SYT7: variants seen among roughly 807,000 people sequenced by gnomAD.
The protein encoded by SYT7 is synaptotagmin 7, also known as synaptotagmin-7.
A neutral mutation model predicts 75.1 loss-of-function variants in SYT7; 29 were observed. The ratio of observed to expected loss-of-function variants is 0.39; its 90% CI spans 0.29 to 0.53. The LOEUF is 0.53. SYT7 is among the 20% of genes least tolerant of loss of function. The probability of loss-of-function intolerance (pLI) is 0.77; values close to 1 mark genes in which losing one functional copy is unlikely to be tolerated. For synonymous variants in SYT7, 376 were observed against 401.7 expected, an observed-to-expected ratio of 0.94 and a Z score of 0.76; for missense variants, 693 against 953.2, an observed-to-expected ratio of 0.73 and a Z score of 3.59.
rs2062129170 is a variant in SYT7, at chr11:61,515,550, A to C, written c.*3077T>G. The C allele has an allele frequency of 7.0e-6, 1 of 142,016 alleles. No individual in the cohort carries two copies. 8.8% of individuals were successfully genotyped at this position (142,016 alleles called of 1,614,324 possible). A position where few individuals can be genotyped will look rare whatever the true frequency, so the allele number is the denominator to read the frequency against. ...GGTGGGTTTTTGTTTTATTTTTTAT[A>C]AAACACTTGCACTCAAGAACATACA... On this transcript the variant is annotated 3_prime_UTR_variant, in exon 13 of 13. Transcript: ENST00000539008.
rs1439199098 is a variant in SYT7 at position 61,514,238 on chromosome 11, C to T, written c.*4389G>A. The stretch of plus-strand genomic sequence containing the variant: ...TTTCCAGGGCTGCTTTCATGGAGAG[C>T]GCCTGAACAGAAGCTCTGGCCAAGG... On this transcript the variant is annotated 3_prime_UTR_variant, in exon 13 of 13. Transcript: ENST00000539008. Among the ~76,000 whole-genome samples, 1 of 152,338 alleles carries T rather than the reference C, an allele frequency of 6.6e-6. No homozygotes were observed.
In SYT7 at chr11:61,546,244, A is replaced by T. The variant is rs1178380841; in HGVS notation, c.359T>A (p.Leu120Gln). The change falls in exon 5 of 13, where the codon CTG becomes CAG. Residue 120 changes from leucine (L) to glutamine (Q), a missense_variant. This residue lies in a region of SYT7 where 487 missense variants were observed against 593.2 expected (regional missense o/e 0.82). Transcript: ENST00000539008. This position sits in a 1 kb window ranked among gnomAD's most constrained non-coding sequence, Gnocchi z 7.6. ...DPRLSLNGTL[L>Q]SGAKVAAAAG... is the part of the protein sequence containing the mutation. ...CGCGGCGGCCACTTTGGCGCCCGACAGGAGGGTGCCACTGGAGGCATGCAC... is the reference window on the plus strand; with the variant it reads ...CGCGGCGGCCACTTTGGCGCCCGACTGGAGGGTGCCACTGGAGGCATGCAC... 50 of 1,443,472 alleles carry T rather than the reference A, an allele frequency of 3.5e-5. No homozygotes were observed. Among genetic ancestry groups the T allele is most frequent in the Non-Finnish European group, 4.1e-5 (46 of 1,108,494 alleles). The allele number at this position is 1,443,472 out of a possible 1,614,324, so 89.4% of individuals were successfully genotyped here.
intron 1 of SYT7, among the ~76,000 whole-genome samples, chr11:61,579,920 G>T (rs1222755806): frequency 1.3e-5 from 2 of 152,226 alleles, no homozygotes; most frequent in Non-Finnish European, 2.9e-5. Flanking sequence ...GAGCTGCAGG[G>T]GACCTGCCTA....
intron 6 of SYT7, chr11:61,540,858 A>G (rs2063021814): frequency 1.0e-6 from 1 of 985,506 alleles, no homozygotes; most frequent in Middle Eastern, 5.2e-4. Context: ...CCTCTGTCCC[A>G]AAACAAACCG....
chr11:61,580,723 G>T lies in SYT7; in HGVS notation c.31+67C>A. The T allele has an allele frequency of 9.2e-7, 1 of 1,084,308 alleles. No individual in the cohort carries two copies. The highest frequency in any genetic ancestry group is 1.2e-6 in the Non-Finnish European group (1 of 858,744). 67.2% of individuals were successfully genotyped at this position (1,084,308 alleles called of 1,614,324 possible). On this transcript the variant is annotated intron_variant, in intron 1 of 12. Transcript: ENST00000539008. This position sits in a 1 kb window ranked among gnomAD's most constrained non-coding sequence, Gnocchi z 6.1. ...AGCCCCAGGCTGGGGCTCCGAGACG[G>T]CGTCCGGCGCTGCCGCTGTCCTGCC...
intron 8 of SYT7, 136 bp downstream of exon 8, chr11:61,532,853 C>T (rs1000298074): frequency 9.9e-6 from 13 of 1,318,544 alleles, no homozygotes; most frequent in Non-Finnish European, 1.2e-5. Flanking sequence ...GGGCCTGGCT[C>T]TCCAGGCTGC....
intron 3 of SYT7, among the ~76,000 whole-genome samples, chr11:61,548,536 A>G (rs7929450): frequency 6.6e-6 from 1 of 152,152 alleles, no homozygotes; most frequent in Non-Finnish European, 1.5e-5. Flanking sequence ...GAAGGCAGCC[A>G]TGTTTCAGGC....
chr11:61,545,280 C>T (rs2063150025), intron 5 of SYT7, among the ~76,000 whole-genome samples: 2 of 152,218 alleles, frequency 1.3e-5, no homozygotes, highest in African/African-American at 2.4e-5. Flanking sequence ...GGGACGGCTC[C>T]TTCTGCCTGA....
chr11:61,572,963 C>T (rs1415456028), intron 1 of SYT7, among the ~76,000 whole-genome samples: 1 of 152,246 alleles, frequency 6.6e-6, no homozygotes, highest in Non-Finnish European at 1.5e-5. Context: ...GTGCTGCCAG[C>T]GCCTCAGTGT....
chr11:61,584,225 TA>T (rs1185810889), upstream of SYT7, among the ~76,000 whole-genome samples: 273 of 143,024 alleles, frequency 1.9e-3, no homozygotes, highest in African/African-American at 1.6e-3. Context: ...CCATCTCTAC[TA>T]AAAAAAAAAA....
At chr11:61,534,815 A>G (rs1276388676) in intron 7 of SYT7, among the ~76,000 whole-genome samples, 1 of 151,142 alleles carries the variant, frequency 6.6e-6, no homozygotes, top group African/African-American at 2.4e-5. Context: ...CATGGCACAC[A>G]TGGACATGTG....
chr11:61,546,394 A>G lies in SYT7; in HGVS notation c.348-139T>C. ...AGATAAAAGGAAGAAAGAGACAGTG[A>G]GAGAGGAGGAGGAGAGAGACAGACG... On this transcript the variant is annotated intron_variant, in intron 4 of 12. Coordinates refer to ENST00000539008, the MANE Select transcript of SYT7 (RefSeq NM_001365809.2). The surrounding 1 kb of genome is among the most constrained non-coding windows in gnomAD (Gnocchi z 7.6). The G allele has an allele frequency of 1.7e-6, 1 of 593,386 alleles. No homozygotes were observed. Among genetic ancestry groups the G allele is most frequent in the Non-Finnish European group, 2.9e-6 (1 of 344,266 alleles). The allele number at this position is 593,386 out of a possible 1,614,324, so 36.8% of individuals were successfully genotyped here.
intron 7 of SYT7, chr11:61,533,725 G>A (rs1590855743): frequency 1.1e-6 from 1 of 940,392 alleles, no homozygotes; most frequent in African/African-American, 1.8e-5. Context: ...GTCCAGTGGA[G>A]CAGCCACATG....
intron 1 of SYT7, among the ~76,000 whole-genome samples, chr11:61,564,555 G>A (rs1014527101): frequency 6.6e-6 from 1 of 152,244 alleles, no homozygotes; most frequent in African/African-American, 2.4e-5. Context: ...CGCAGCAGAA[G>A]AGAAGTAAAG....
At chr11:61,519,424 T>G (rs1403670784) in intron 12 of SYT7, among the ~76,000 whole-genome samples, 1 of 152,106 alleles carries the variant, frequency 6.6e-6, no homozygotes, top group Non-Finnish European at 1.5e-5. Flanking sequence ...GTATGAGCAT[T>G]GGAGAAAAAA....
At chr11:61,556,046 A>G (rs1383750200) in intron 2 of SYT7, 58 bp downstream of exon 2, 29 of 1,415,984 alleles carry the variant, frequency 2.0e-5, no homozygotes, top group Non-Finnish European at 2.9e-5. Flanking sequence ...GTGTGTGGGG[A>G]GGGGGGGCAG....
chr11:61,529,081 C>A (rs190560740), intron 8 of SYT7, among the ~76,000 whole-genome samples: 7 of 152,202 alleles, frequency 4.6e-5, no homozygotes, highest in Admixed American at 3.9e-4. Context: ...CCCTACCCAC[C>A]CCCCAGCCGC....
rs139907919 is a variant in SYT7 at position 61,528,260 on chromosome 11, G to T, written c.1201-75C>A. On this transcript the variant is annotated intron_variant, in intron 8 of 12. Coordinates refer to ENST00000539008, the MANE Select transcript of SYT7 (RefSeq NM_001365809.2). ...CCATGTCCCCACCGCTGGCTAGCAC[G>T]GGTGAGAGGCCAGAGGCGGTGGCCC... 207 of 1,545,702 alleles carry T rather than the reference G, an allele frequency of 1.3e-4. 3 individuals carry two copies. The African/African-American group carries it at 2.1e-3, about 16-fold the overall frequency.
intron 7 of SYT7, chr11:61,533,454 A>G: frequency 1.0e-6 from 1 of 985,270 alleles, no homozygotes; most frequent in Non-Finnish European, 1.2e-6. Flanking sequence ...TGAGGTGGCC[A>G]CTGCCCCCAG....
Sources: allele counts gnomAD v4.1 joint callset (sites outside exome capture counted in the v4.1 genomes callset), GRCh38; gene constraint gnomAD v4.1.1; regional missense constraint gnomAD v4.1.1; non-coding constraint Gnocchi (gnomAD v3.1); transcripts MANE v1.5; gene names NCBI Gene and HGNC (gene_info 2026-07-23, HGNC 2026-07-21).